Variants in USH1C observed in about 807,000 individuals in gnomAD.
The protein encoded by USH1C is USH1 protein network component harmonin.
USH1C carries 90 observed loss-of-function variants against 119.3 expected under a neutral mutation model. The observed-to-expected ratio is 0.75, with a 90% confidence interval of 0.64 to 0.90. The LOEUF (loss-of-function observed/expected upper bound fraction) is 0.90, where lower values mean the gene tolerates loss of function less well. Ranked by LOEUF, USH1C falls within the 40% of genes least tolerant of loss-of-function variation. The pLI is 0.00. For missense variants in USH1C, 1,165 were observed against 1,167.7 expected (o/e 1.00, Z 0.03); for synonymous variants, 465 against 443.3 (o/e 1.05, Z -0.62).
chr11:17,523,168 G>A (rs774464176), intron 11 of USH1C, 43 bp downstream of exon 11: 2 of 1,613,298 alleles, frequency 1.2e-6, no homozygotes, highest in Non-Finnish European at 1.7e-6. Flanking sequence ...GAGGGGCTGG[G>A]GATGAAGGTC....
intron 1 of USH1C, among the ~76,000 whole-genome samples, chr11:17,539,819 GTTTC>G (rs1306022842): frequency 1.4e-5 from 2 of 142,976 alleles, no homozygotes; most frequent in African/African-American, 5.2e-5. Flanking sequence ...TTCTGTTTCT[GTTTC>G]TTTCTTTTTC....
At chr11:17,501,859 G>A in intron 21 of USH1C, 80 bp downstream of exon 21, 1 of 1,507,308 alleles carries the variant, frequency 6.6e-7, no homozygotes, top group Middle Eastern at 1.7e-4. Context: ...GGCCCAGAAT[G>A]CACCACTATC....
chr11:17,537,856 C>T (rs1351649292), intron 1 of USH1C, among the ~76,000 whole-genome samples: 1 of 152,144 alleles, frequency 6.6e-6, no homozygotes, highest in African/African-American at 2.4e-5. Flanking sequence ...CTGAGGTGAA[C>T]GTTATCATCC....
chr11:17,501,114 C>T lies in USH1C; in HGVS notation c.2317G>A (p.Asp773Asn), dbSNP rs775036726. The change falls in exon 23 of 27, where the codon GAC (aspartate) becomes AAC (asparagine). Residue 773 changes from aspartate to asparagine, a missense_variant. Asp to Asn is a conservative substitution (Grantham distance 23). Transcript: ENST00000005226. ...SLDLALEGGVDSPIGKVVVSA... is the reference protein window; with the variant it reads ...SLDLALEGGVNSPIGKVVVSA... ...ACGACCACCTTCCCAATGGGGGAGT[C>T]CACACCGCCTTCCAGGGCCAGGTCT... 26 of 1,613,974 alleles carry T rather than the reference C, an allele frequency of 1.6e-5. No individual in the cohort carries two copies. The South Asian group carries it at 2.7e-4, about 17-fold the overall frequency.
Position 17,531,014 on chromosome 11 carries a change from A to G in USH1C, c.387+140T>C. On this transcript the variant is annotated intron_variant, in intron 4 of 26. Coordinates refer to ENST00000005226, the MANE Select transcript of USH1C (RefSeq NM_153676.4). The surrounding 1 kb of genome is among the most constrained non-coding windows in gnomAD (Gnocchi z 4.2). ...TTCTATGAGCCTAAGAACACCCATC[A>G]GGATGCGCCAGCCTCTTCTTCACCC... The G allele has an allele frequency of 7.5e-7, 1 of 1,328,440 alleles. No individual in the cohort carries two copies. The highest frequency in any genetic ancestry group is 2.0e-5 in the Admixed American group (1 of 49,386). The allele number at this position is 1,328,440 out of a possible 1,614,324, so 82.3% of individuals were successfully genotyped here. A position where few individuals can be genotyped will look rare whatever the true frequency, so the allele number is the denominator to read the frequency against.
intron 11 of USH1C, 130 bp downstream of exon 11, chr11:17,523,081 C>T: frequency 1.3e-6 from 2 of 1,572,682 alleles, no homozygotes. Flanking sequence ...GGGCAGAAGT[C>T]CTCTCGCTCT....
At chr11:17,499,458 A>AGTCTC (rs1311028511) in intron 23 of USH1C, among the ~76,000 whole-genome samples, 2 of 152,140 alleles carry the variant, frequency 1.3e-5, no homozygotes, top group Non-Finnish European at 2.9e-5. Context: ...TCCATGACAG[A>AGTCTC]GTCTCAGGGG....
At chr11:17,526,957 C>T in intron 6 of USH1C, 59 bp downstream of exon 6, 1 of 1,563,360 alleles carries the variant, frequency 6.4e-7, no homozygotes, top group Non-Finnish European at 8.7e-7. Context: ...GACCCCAGGG[C>T]TGTACCAGGA....
intron 1 of USH1C, among the ~76,000 whole-genome samples, chr11:17,535,114 C>T (rs1304785884): frequency 6.6e-6 from 1 of 152,154 alleles, no homozygotes; most frequent in Middle Eastern, 3.2e-3. Context: ...TATGAACTCT[C>T]CTAGCAGCAG....
At chr11:17,541,400 T>C (rs947254847) in intron 1 of USH1C, among the ~76,000 whole-genome samples, 1 of 152,246 alleles carries the variant, frequency 6.6e-6, no homozygotes. Context: ...AATAAATGAA[T>C]GATTAACAAA....
intron 20 of USH1C, among the ~76,000 whole-genome samples, chr11:17,503,072 C>T (rs1301047596): frequency 6.6e-6 from 1 of 152,188 alleles, no homozygotes; most frequent in African/African-American, 2.4e-5. Flanking sequence ...CAGACAGATC[C>T]CCAAGCATCT....
intron 1 of USH1C, among the ~76,000 whole-genome samples, chr11:17,540,663 C>T (rs1289246078): frequency 6.6e-6 from 1 of 152,194 alleles, no homozygotes; most frequent in African/African-American, 2.4e-5. Context: ...TGTGGATTCA[C>T]CCTTGATGCC....
chr11:17,493,947 T>G lies in USH1C; in HGVS notation c.*385A>C. 3.2e-6 allele frequency: 1 copy of G among 312,080 alleles called. No individual in the cohort carries two copies. The highest frequency in any genetic ancestry group is 6.2e-6 in the Non-Finnish European group (1 of 161,184). The allele number at this position is 312,080 out of a possible 1,614,324, so 19.3% of individuals were successfully genotyped here. A position where few individuals can be genotyped will look rare whatever the true frequency, so the allele number is the denominator to read the frequency against. ...AATGAGCTCAGAGTAAGGTTTGGAGTGACAATCCTGGCAGCAATTAGAGCA... is the reference window on the plus strand; with the variant it reads ...AATGAGCTCAGAGTAAGGTTTGGAGGGACAATCCTGGCAGCAATTAGAGCA... On this transcript the variant is annotated 3_prime_UTR_variant, in exon 27 of 27. Transcript: ENST00000005226.
intron 9 of USH1C, 39 bp from the exon 10 acceptor site, chr11:17,523,517 AT>A (rs1404957136): frequency 6.2e-7 from 1 of 1,606,018 alleles, no homozygotes; most frequent in Non-Finnish European, 8.5e-7. Context: ...TGTTTGCGCT[AT>A]CTGTACACTC....
intron 16 of USH1C, 29 bp from the exon 17 acceptor site, chr11:17,510,550 G>T: frequency 6.6e-7 from 1 of 1,525,828 alleles, no homozygotes. Context: ...GCAGAAAGGA[G>T]AGGACAAAGG....
chr11:17,504,749 TG>T, intron 19 of USH1C, 52 bp from the exon 20 acceptor site: 1 of 1,598,760 alleles, frequency 6.3e-7, no homozygotes, highest in Non-Finnish European at 8.5e-7. Context: ...CAATAGGTCT[TG>T]GCTGCCCCCT....
At chr11:17,544,205 CCA>C in intron 1 of USH1C, 65 bp downstream of exon 1, 40 of 1,598,534 alleles carry the variant, frequency 2.5e-5, no homozygotes, top group Non-Finnish European at 3.3e-5. Context: ...GCCGGGGTGT[CCA>C]CCCCCTACCC....
rs888149512 is a variant in USH1C, at chr11:17,494,677, C to G, written c.2656-301G>C. 4 of 467,624 alleles carry G rather than the reference C, an allele frequency of 8.6e-6. 1 individual carries two copies. Among genetic ancestry groups the G allele is most frequent in the South Asian group, 6.3e-5 (3 of 47,420 alleles). 29.0% of individuals were successfully genotyped at this position (467,624 alleles called of 1,614,324 possible). On this transcript the variant is annotated intron_variant, in intron 26 of 26. Coordinates refer to ENST00000005226, the MANE Select transcript of USH1C (RefSeq NM_153676.4). Reference sequence around the variant, plus strand: ...AACAGAAAACATAGGGCCATGCAGGCCACCCCAGAAGCCATGGTCTACCCG... The same window carrying G: ...AACAGAAAACATAGGGCCATGCAGGGCACCCCAGAAGCCATGGTCTACCCG...
At position 17,501,982 on chromosome 11, in the gene USH1C, T is replaced by C. The variant is rs1358056232; in HGVS notation, c.2185-2A>G. 1.9e-6 allele frequency: 3 copies of C among 1,613,392 alleles called. No individual in the cohort carries two copies. The highest frequency in any genetic ancestry group is 2.7e-5 in the African/African-American group (2 of 74,926). ...GCCTTCCTCATATTTCCGGAAATCC[T>C]GGAAGCAAAGGGAGGGCTTTAGGGC... On this transcript the variant is annotated splice_acceptor_variant, in intron 20 of 26. Transcript: ENST00000005226. LOFTEE classifies it high-confidence loss of function.
Sources: allele counts gnomAD v4.1 joint callset (sites outside exome capture counted in the v4.1 genomes callset), GRCh38; gene constraint gnomAD v4.1.1; non-coding constraint Gnocchi (gnomAD v3.1); transcripts MANE v1.5; gene names NCBI Gene and HGNC (gene_info 2026-07-23, HGNC 2026-07-21).